Variants in DOK6 observed in about 807,000 individuals in gnomAD.
DOK6 encodes downstream of tyrosine kinase 6.
DOK6 carries 22 observed loss-of-function variants against 44.0 expected under a neutral mutation model. That is an observed-to-expected ratio of 0.50 (90% CI 0.36 to 0.71). The LOEUF (loss-of-function observed/expected upper bound fraction) is 0.71, where lower values mean the gene tolerates loss of function less well. Ranked by LOEUF, DOK6 falls within the 30% of genes least tolerant of loss-of-function variation. The pLI is 0.00. For synonymous variants in DOK6, 166 were observed against 145.5 expected, an observed-to-expected ratio of 1.14 and a Z score of -1.01; for missense variants, 340 against 416.4, an observed-to-expected ratio of 0.82 and a Z score of 1.60.
chr18:69,795,077 C>T (rs1010907838), intron 7 of DOK6, among the ~76,000 whole-genome samples: 1 of 152,064 alleles, frequency 6.6e-6, no homozygotes, highest in Non-Finnish European at 1.5e-5. Context: ...AAACCATCCC[C>T]CACCCTGATC....
intron 3 of DOK6, among the ~76,000 whole-genome samples, chr18:69,612,407 G>A (rs1298809169): frequency 6.8e-6 from 1 of 146,596 alleles, no homozygotes. Flanking sequence ...CTTTGTGTGC[G>A]AGGGCGCATG....
chr18:69,567,079 G>A (rs568070837), intron 2 of DOK6, among the ~76,000 whole-genome samples: 2 of 152,130 alleles, frequency 1.3e-5, no homozygotes, highest in Non-Finnish European at 1.5e-5. Context: ...GAATTTCAAG[G>A]CAAACTTCAT....
At chr18:69,694,378 T>C (rs915542802) in intron 4 of DOK6, among the ~76,000 whole-genome samples, 1 of 151,640 alleles carries the variant, frequency 6.6e-6, no homozygotes, top group African/African-American at 2.4e-5. Context: ...AAGATGCCCT[T>C]GTAAACATAA....
chr18:69,446,920 T>C (rs1979311836), intron 1 of DOK6, among the ~76,000 whole-genome samples: 2 of 152,256 alleles, frequency 1.3e-5, no homozygotes, highest in South Asian at 4.1e-4. Flanking sequence ...TTTTTTCTTG[T>C]AAATTTGTTT....
chr18:69,434,922 AG>A lies in DOK6; in HGVS notation c.66+33613del, dbSNP rs1978908078. Reference sequence around the variant, plus strand: ...GGCGACAGAGCGAGGCTCTGTCAAAAGAAAAAAGGGAGGGAGGGAGGGAGGG... The same window carrying A: ...GGCGACAGAGCGAGGCTCTGTCAAAAAAAAAAGGGAGGGAGGGAGGGAGGG... On this transcript the variant is annotated intron_variant, in intron 1 of 7. Coordinates refer to ENST00000382713, the MANE Select transcript of DOK6 (RefSeq NM_152721.6). Among the ~76,000 whole-genome samples the A allele has an allele frequency of 3.1e-5, 4 of 128,456 alleles. No homozygotes were observed. In the Admixed American group the frequency reaches 3.5e-4, roughly 11 times the overall value. The allele number at this position is 128,456 out of a possible 152,430, so 84.3% of individuals were successfully genotyped here.
At chr18:69,643,174 AAC>A (rs1319804365) in intron 3 of DOK6, among the ~76,000 whole-genome samples, 9 of 152,266 alleles carry the variant, frequency 5.9e-5, no homozygotes. Flanking sequence ...TGTAGGAAAT[AAC>A]AGAGAGCCCA....
chr18:69,772,321 CA>C (rs1251942477), intron 7 of DOK6, among the ~76,000 whole-genome samples: 1 of 151,816 alleles, frequency 6.6e-6, no homozygotes, highest in East Asian at 1.9e-4. Context: ...ATGCAATCCC[CA>C]AAAAAATCCC....
Position 69,596,649 on chromosome 18 carries a change from T to A in DOK6, c.175-2735T>A, listed in dbSNP as rs576827744. Among the ~76,000 whole-genome samples, 19 of 151,998 alleles carry A rather than the reference T, an allele frequency of 1.3e-4. No individual in the cohort carries two copies. The East Asian group carries it at 3.1e-3, about 25-fold the overall frequency. On this transcript the variant is annotated intron_variant, in intron 2 of 7. Coordinates refer to ENST00000382713, the MANE Select transcript of DOK6 (RefSeq NM_152721.6). Reference sequence around the variant, plus strand: ...ATCTTGTATTCTTCAAAAAATACGATGAAATAAAGGCATCGTGAGACAGAC... The same window carrying A: ...ATCTTGTATTCTTCAAAAAATACGAAGAAATAAAGGCATCGTGAGACAGAC...
At chr18:69,554,531 G>A (rs548770144) in intron 1 of DOK6, among the ~76,000 whole-genome samples, 14 of 152,272 alleles carry the variant, frequency 9.2e-5, no homozygotes, top group African/African-American at 2.9e-4. Flanking sequence ...TTCTTTGATT[G>A]CTGCCTAGTA....
chr18:69,558,288 A>G (rs1300917591), intron 1 of DOK6, among the ~76,000 whole-genome samples: 2 of 152,014 alleles, frequency 1.3e-5, no homozygotes, highest in Admixed American at 1.3e-4. Context: ...CTTATTTTAT[A>G]CTTCTGGTAC....
intron 6 of DOK6, among the ~76,000 whole-genome samples, chr18:69,744,389 A>G (rs1978909622): frequency 6.6e-6 from 1 of 151,754 alleles, no homozygotes; most frequent in African/African-American, 2.4e-5. Flanking sequence ...AATATTACCA[A>G]TGTTAATCAT....
chr18:69,735,798 A>T (rs1978586485), intron 5 of DOK6, among the ~76,000 whole-genome samples: 1 of 152,196 alleles, frequency 6.6e-6, no homozygotes, highest in Non-Finnish European at 1.5e-5. Flanking sequence ...CAGGCAGAAT[A>T]TTCCAAAGGC....
intron 5 of DOK6, among the ~76,000 whole-genome samples, chr18:69,734,823 G>A (rs919098765): frequency 2.6e-5 from 4 of 152,162 alleles, no homozygotes; most frequent in South Asian, 2.1e-4. Context: ...TAAGTAAAAT[G>A]TCTCCATAAT....
At chr18:69,699,551 C>T (rs1352888590) in intron 5 of DOK6, among the ~76,000 whole-genome samples, 1 of 151,992 alleles carries the variant, frequency 6.6e-6, no homozygotes, top group South Asian at 2.1e-4. Context: ...ATATTAAAGT[C>T]TCTACCACAC....
chr18:69,641,356 T>C (rs1359939194), intron 3 of DOK6, among the ~76,000 whole-genome samples: 1 of 152,240 alleles, frequency 6.6e-6, no homozygotes, highest in African/African-American at 2.4e-5. Context: ...TAATCAGATT[T>C]ATTTTTTATA....
At chr18:69,567,173 A>G (rs528037519) in intron 2 of DOK6, among the ~76,000 whole-genome samples, 1 of 152,192 alleles carries the variant, frequency 6.6e-6, no homozygotes, top group Non-Finnish European at 1.5e-5. Context: ...ATCATCAGAC[A>G]TGTTTACGGA....
chr18:69,571,160 A>G (rs554389377), intron 2 of DOK6, among the ~76,000 whole-genome samples: 23 of 152,170 alleles, frequency 1.5e-4, no homozygotes, highest in Admixed American at 1.5e-3. Context: ...AAGTGGTACA[A>G]TATTAAGTAT....
intron 5 of DOK6, among the ~76,000 whole-genome samples, chr18:69,699,975 A>G (rs752723299): frequency 7.2e-5 from 11 of 152,092 alleles, no homozygotes; most frequent in Non-Finnish European, 1.3e-4. Flanking sequence ...CACATCTCAC[A>G]TGGCAGCAGA....
chr18:69,691,115 G>A (rs891701887), intron 4 of DOK6, among the ~76,000 whole-genome samples: 6 of 151,818 alleles, frequency 4.0e-5, no homozygotes, highest in Non-Finnish European at 5.9e-5. Flanking sequence ...CTCAGGAGGC[G>A]GAGGTTGCAG....
Sources: allele counts gnomAD v4.1 joint callset (sites outside exome capture counted in the v4.1 genomes callset), GRCh38; gene constraint gnomAD v4.1.1; transcripts MANE v1.5; gene names NCBI Gene and HGNC (gene_info 2026-07-23, HGNC 2026-07-21).